Variants in ABCC3 observed in about 807,000 individuals in gnomAD.
The protein encoded by ABCC3 is ATP binding cassette subfamily C member 3.
In ABCC3, 121 loss-of-function variants were observed where a neutral mutation model predicts 165.3. The ratio of observed to expected loss-of-function variants is 0.73; its 90% CI spans 0.63 to 0.85. ABCC3 has a LOEUF of 0.85. ABCC3 is among the 40% of genes least tolerant of loss of function. The probability of loss-of-function intolerance (pLI) is 0.00; values close to 1 mark genes in which losing one functional copy is unlikely to be tolerated. For missense variants in ABCC3, 1,869 were observed against 1,964.1 expected (o/e 0.95, Z 0.92); for synonymous variants, 733 against 810.1 (o/e 0.90, Z 1.62).
At chr17:50,645,666 T>A (rs1237905406) in intron 1 of ABCC3, among the ~76,000 whole-genome samples, 1 of 152,122 alleles carries the variant, frequency 6.6e-6, no homozygotes, top group African/African-American at 2.4e-5. Context: ...AGTGGCATAA[T>A]CATGGCTCAC....
chr17:50,643,278 C>A (rs765083041), intron 1 of ABCC3, among the ~76,000 whole-genome samples: 15 of 152,216 alleles, frequency 9.9e-5, no homozygotes, highest in Admixed American at 2.6e-4. Flanking sequence ...CCTGATCAGG[C>A]CTAGAGGTGT....
chr17:50,671,738 A>C (rs1332972375), intron 17 of ABCC3, among the ~76,000 whole-genome samples: 3 of 92,928 alleles, frequency 3.2e-5, no homozygotes, highest in Non-Finnish European at 6.7e-5. Flanking sequence ...TTTTTGAGAC[A>C]AGGCTTCACT....
chr17:50,672,064 C>T (rs1967659849), intron 17 of ABCC3, among the ~76,000 whole-genome samples: 1 of 152,032 alleles, frequency 6.6e-6, no homozygotes, highest in Non-Finnish European at 1.5e-5. Context: ...GGTCCCACTC[C>T]CCCAGTAACC....
rs149454356 is a variant in ABCC3, at chr17:50,643,531, G to T, written c.45+8550G>T. The T allele has an allele frequency of 2.1e-3, 969 of 456,228 alleles. 7 individuals carry two copies. The highest frequency in any genetic ancestry group is 0.016 in the African/African-American group (816 of 50,176). The allele number at this position is 456,228 out of a possible 1,614,324, so 28.3% of individuals were successfully genotyped here. Reference sequence around the variant, plus strand: ...CAGAGCAGGGATAGGCCTGCCCAACGTGCCACTGTATCTGCAGAACCCAGC... The same window carrying T: ...CAGAGCAGGGATAGGCCTGCCCAACTTGCCACTGTATCTGCAGAACCCAGC... On this transcript the variant is annotated intron_variant, in intron 1 of 30. Transcript: ENST00000285238.
At chr17:50,670,272 G>A (rs935601479) in intron 17 of ABCC3, among the ~76,000 whole-genome samples, 10 of 151,740 alleles carry the variant, frequency 6.6e-5, no homozygotes, top group African/African-American at 2.2e-4. Flanking sequence ...TAGTACAGAC[G>A]GGGTTTTGCC....
chr17:50,638,994 G>T (rs1197074543), intron 1 of ABCC3, among the ~76,000 whole-genome samples: 1 of 152,178 alleles, frequency 6.6e-6, no homozygotes, highest in Non-Finnish European at 1.5e-5. Flanking sequence ...GGGTATCAGG[G>T]TCTCCTCTGC....
At chr17:50,658,564 G>A in intron 6 of ABCC3, 68 bp downstream of exon 6, 2 of 1,535,566 alleles carry the variant, frequency 1.3e-6, no homozygotes, top group Non-Finnish European at 1.8e-6. Context: ...GGAGAAAGGG[G>A]AGCAGGGCAG....
chr17:50,664,896 G>A (rs367602534), intron 10 of ABCC3, among the ~76,000 whole-genome samples: 3 of 152,038 alleles, frequency 2.0e-5, no homozygotes, highest in Non-Finnish European at 4.4e-5. Flanking sequence ...GGCTGTCATC[G>A]TCTATATTTG....
intron 2 of ABCC3, among the ~76,000 whole-genome samples, chr17:50,656,482 T>C (rs1051684311): frequency 6.6e-6 from 1 of 152,224 alleles, no homozygotes; most frequent in Admixed American, 6.5e-5. Context: ...TGAGAATATA[T>C]ACAGCCAGCT....
intron 23 of ABCC3, among the ~76,000 whole-genome samples, chr17:50,676,886 T>TGC (rs1555596837): frequency 4.4e-5 from 5 of 113,618 alleles, no homozygotes; most frequent in Admixed American, 2.7e-4. Context: ...TTTTTTTTTT[T>TGC]GGGGGGGGGG....
chr17:50,668,860 CATCACCAT>C lies in ABCC3; in HGVS notation c.1880_1887del (p.Ile627ThrfsTer103), dbSNP rs1245430665. ...CCACCTTGGTCCTCTCAGGCTATGC[CATCACCAT>C]ACACAGTGGCACCTTCACCTGGGCC... is the stretch of plus-strand genomic sequence containing the variant. On this transcript the variant is annotated frameshift_variant, in exon 15 of 31. Transcript: ENST00000285238. LOFTEE classifies it high-confidence loss of function. The C allele has an allele frequency of 6.2e-7, 1 of 1,613,998 alleles. No individual in the cohort carries two copies. Among genetic ancestry groups the C allele is most frequent in the Non-Finnish European group, 8.5e-7 (1 of 1,179,934 alleles).
chr17:50,667,444 G>T lies in ABCC3; in HGVS notation c.1432-110G>T, dbSNP rs535363581. On this transcript the variant is annotated intron_variant, in intron 11 of 30. Transcript: ENST00000285238. ...AAGGAGTTGTGAGAAGGAATGGTGG[G>T]CAGCGTGGAATGGCTGCAATGGATG... 582 of 979,350 alleles carry T rather than the reference G, an allele frequency of 5.9e-4. 5 individuals carry two copies. In the South Asian group the frequency reaches 8.9e-3, roughly 15 times the overall value. The allele number at this position is 979,350 out of a possible 1,614,324, so 60.7% of individuals were successfully genotyped here.
chr17:50,655,412 A>AAC (rs1319046951), intron 1 of ABCC3, among the ~76,000 whole-genome samples: 6 of 149,298 alleles, frequency 4.0e-5, no homozygotes, highest in Non-Finnish European at 5.9e-5. Context: ...CTCAAAAAAA[A>AAC]AAAAAAAAAC....
At chr17:50,637,445 G>T (rs1235413268) in intron 1 of ABCC3, among the ~76,000 whole-genome samples, 3 of 152,184 alleles carry the variant, frequency 2.0e-5, no homozygotes, top group Non-Finnish European at 4.4e-5. Context: ...CATTTGCATG[G>T]TGTATTATTA....
rs185194266 is a variant in ABCC3 at position 50,651,040 on chromosome 17, G to A, written c.46-4792G>A. On this transcript the variant is annotated intron_variant, in intron 1 of 30. Coordinates refer to ENST00000285238, the MANE Select transcript of ABCC3 (RefSeq NM_003786.4). ...AGATTGAGCCACTGCACTCCAGCCT[G>A]GGTGACAGCGCGAGACTCCATCTCA... Among the ~76,000 whole-genome samples, 18 of 141,210 alleles carry A rather than the reference G, an allele frequency of 1.3e-4. No homozygotes were observed. In the East Asian group the frequency reaches 3.6e-3, roughly 28 times the overall value. 92.6% of individuals were successfully genotyped at this position (141,210 alleles called of 152,430 possible).
chr17:50,647,590 A>C (rs114645848), intron 1 of ABCC3, among the ~76,000 whole-genome samples: 1 of 152,244 alleles, frequency 6.6e-6, no homozygotes, highest in Non-Finnish European at 1.5e-5. Context: ...GCTAGGGCCC[A>C]TGTCCACAGG....
At chr17:50,671,239 G>A (rs1219770271) in intron 17 of ABCC3, among the ~76,000 whole-genome samples, 1 of 148,748 alleles carries the variant, frequency 6.7e-6, no homozygotes, top group African/African-American at 2.5e-5. Context: ...CAGCCTGGGC[G>A]ACAGAGCAAG....
At position 50,669,521 on chromosome 17, in the gene ABCC3, G is replaced by A; in HGVS notation, c.2234G>A (p.Gly745Glu). The A allele has an allele frequency of 6.2e-7, 1 of 1,614,168 alleles. No homozygotes were observed. Among genetic ancestry groups the A allele is most frequent in the South Asian group, 1.1e-5 (1 of 91,074 alleles). ...MLPGGDQTEI[G>E]EKGINLSGGQ... ...CCTGGTGGGGATCAGACAGAGATTG[G>A]AGAGAAGGTACAGAGTCCTCTTCCA... The change falls in exon 17 of 31, where the codon GGA becomes GAA. Residue 745 changes from glycine to glutamate, a missense_variant. Transcript: ENST00000285238.
rs529777347 is a variant in ABCC3 at position 50,638,946 on chromosome 17, C to T, written c.45+3965C>T. On this transcript the variant is annotated intron_variant, in intron 1 of 30. Transcript: ENST00000285238. ...TGAGCCTTGGGCTTGGGGGCGAAGG[C>T]TATGCATGATTAGGGCCCTTCAAAG... 6.6e-5 allele frequency among the ~76,000 whole-genome samples: 10 copies of T among 152,318 alleles called. No homozygotes were observed. In the East Asian group the frequency reaches 1.7e-3, roughly 26 times the overall value.
Sources: gnomAD v4.1 joint callset for allele counts (sites outside exome capture counted in the v4.1 genomes callset) on GRCh38, gnomAD v4.1.1 for gene constraint, MANE v1.5 for transcripts, NCBI Gene and HGNC (gene_info 2026-07-23, HGNC 2026-07-21) for gene names.